DOCK5: variants seen among roughly 807,000 people sequenced by gnomAD.
DOCK5 encodes the protein dedicator of cytokinesis 5.
Under a neutral mutation model 251.8 loss-of-function variants are expected in DOCK5, and 142 were observed. The ratio of observed to expected loss-of-function variants is 0.56; its 90% CI spans 0.49 to 0.65. The LOEUF (loss-of-function observed/expected upper bound fraction) is 0.65, where lower values mean the gene tolerates loss of function less well. Among genes scored for constraint, DOCK5 ranks in the 30% least tolerant of loss-of-function variants. DOCK5 has a pLI of 0.00. For synonymous variants in DOCK5, 842 were observed against 835.5 expected, an observed-to-expected ratio of 1.01 and a Z score of -0.13; for missense variants, 2,111 against 2,312.3, an observed-to-expected ratio of 0.91 and a Z score of 1.79.
At chr8:25,213,784 A>G (rs775725992) in intron 1 of DOCK5, among the ~76,000 whole-genome samples, 8 of 152,198 alleles carry the variant, frequency 5.3e-5, no homozygotes, top group Non-Finnish European at 1.0e-4. Flanking sequence ...TGACAGTTTT[A>G]TGCTTCTTAC....
At chr8:25,299,822 A>T (rs2117164154) in intron 8 of DOCK5, among the ~76,000 whole-genome samples, 1 of 152,338 alleles carries the variant, frequency 6.6e-6, no homozygotes. Context: ...TTTTGAGAAG[A>T]TAGTTAAAAG....
intron 11 of DOCK5, among the ~76,000 whole-genome samples, chr8:25,306,739 G>A (rs986109426): frequency 6.6e-6 from 1 of 151,906 alleles, no homozygotes; most frequent in African/African-American, 2.4e-5. Context: ...TAAATATGTT[G>A]AATGTAATAC....
At chr8:25,298,863 T>G in intron 7 of DOCK5, 81 bp from the exon 8 acceptor site, 1 of 1,209,230 alleles carries the variant, frequency 8.3e-7, no homozygotes, top group Non-Finnish European at 1.1e-6. Context: ...TTTGCAGGCT[T>G]ATTTATTTAT....
chr8:25,275,659 A>G (rs533004847), intron 4 of DOCK5, among the ~76,000 whole-genome samples: 1 of 151,608 alleles, frequency 6.6e-6, no homozygotes, highest in Admixed American at 6.6e-5. Context: ...ACATGGTAAA[A>G]CCCCCATCTC....
At chr8:25,396,013 G>C (rs1801339677) in intron 45 of DOCK5, among the ~76,000 whole-genome samples, 1 of 152,096 alleles carries the variant, frequency 6.6e-6, no homozygotes, top group African/African-American at 2.4e-5. Flanking sequence ...ACTGATTGGT[G>C]GACCCCAGAA....
intron 24 of DOCK5, among the ~76,000 whole-genome samples, chr8:25,342,184 T>C (rs1293815383): frequency 6.6e-6 from 1 of 152,126 alleles, no homozygotes; most frequent in Non-Finnish European, 1.5e-5. Flanking sequence ...GACGTGGGTG[T>C]TCTTTGGCAA....
chr8:25,247,819 C>T (rs1174126650), intron 2 of DOCK5, among the ~76,000 whole-genome samples: 1 of 152,204 alleles, frequency 6.6e-6, no homozygotes, highest in Admixed American at 6.5e-5. Context: ...TTACAGCTCA[C>T]ACTACGATAT....
chr8:25,406,924 C>G (rs1260797302), intron 48 of DOCK5, among the ~76,000 whole-genome samples: 1 of 152,086 alleles, frequency 6.6e-6, no homozygotes, highest in African/African-American at 2.4e-5. Context: ...CCGTGCCTGG[C>G]TGTGTAATCT....
At chr8:25,203,441 G>T (rs1050565887) in intron 1 of DOCK5, among the ~76,000 whole-genome samples, 2 of 152,210 alleles carry the variant, frequency 1.3e-5, no homozygotes, top group African/African-American at 4.8e-5. Context: ...GGCTACAGAA[G>T]AATTCTTTTC....
At chr8:25,319,190 G>C (rs959296868) in intron 14 of DOCK5, among the ~76,000 whole-genome samples, 2 of 152,166 alleles carry the variant, frequency 1.3e-5, no homozygotes, top group African/African-American at 4.8e-5. Flanking sequence ...GACAGGAAAA[G>C]AGAAATGCTT....
intron 35 of DOCK5, 42 bp downstream of exon 35, chr8:25,372,760 G>A (rs1007215937): frequency 8.2e-6 from 13 of 1,576,044 alleles, no homozygotes; most frequent in Non-Finnish European, 1.1e-5. Flanking sequence ...GTACTGTCAG[G>A]CCGCCCCTGC....
intron 43 of DOCK5, among the ~76,000 whole-genome samples, chr8:25,392,484 C>G (rs911081688): frequency 6.6e-6 from 1 of 152,104 alleles, no homozygotes; most frequent in African/African-American, 2.4e-5. Flanking sequence ...AAATGCTAGA[C>G]TAGGAGTCCA....
At chr8:25,288,166 G>A (rs892498386) in intron 5 of DOCK5, among the ~76,000 whole-genome samples, 21 of 152,142 alleles carry the variant, frequency 1.4e-4, no homozygotes, top group Middle Eastern at 3.2e-3. Flanking sequence ...GATTACAGGC[G>A]TGAGCCACTG....
At chr8:25,196,968 G>T (rs1039985849) in intron 1 of DOCK5, among the ~76,000 whole-genome samples, 1 of 152,136 alleles carries the variant, frequency 6.6e-6, no homozygotes, top group African/African-American at 2.4e-5. Context: ...GGAGGCTGAG[G>T]CTGGAGGATT....
At chr8:25,282,004 T>G (rs1322566126) in intron 5 of DOCK5, among the ~76,000 whole-genome samples, 3 of 152,192 alleles carry the variant, frequency 2.0e-5, no homozygotes, top group Admixed American at 6.5e-5. Context: ...AAATGTCTTA[T>G]AGCCGCTGTT....
chr8:25,224,578 C>T (rs896668124), intron 1 of DOCK5, among the ~76,000 whole-genome samples: 6 of 152,286 alleles, frequency 3.9e-5, no homozygotes, highest in East Asian at 3.9e-4. Flanking sequence ...GAAGTAAGAA[C>T]GCTTCAACTA....
At position 25,351,787 on chromosome 8, in the gene DOCK5, C is replaced by T; in HGVS notation, c.2811C>T (p.Asn937=). ...TGGAACGGCTGCTGAGAAGGATCAA[C>T]CGGACAGTGATTGGGATGAACCGGC... ...LIMERLLRRI[N]RTVIGMNRQS... Residue 937 remains asparagine (N), a synonymous_variant, in exon 27 of 52, where the codon AAC becomes AAT. Coordinates refer to ENST00000276440, the MANE Select transcript of DOCK5 (RefSeq NM_024940.8). 3 of 1,613,902 alleles carry T rather than the reference C, an allele frequency of 1.9e-6. No individual in the cohort carries two copies. Among genetic ancestry groups the T allele is most frequent in the Non-Finnish European group, 1.7e-6 (2 of 1,179,856 alleles).
chr8:25,393,753 C>T lies in DOCK5; in HGVS notation c.4527+871C>T, dbSNP rs1326147013. ...TGTCTGTCCCCTGTGGCATCCTGGGCGTGTTTCTAACCTACCATGTTTACA... is the reference window on the plus strand; with the variant it reads ...TGTCTGTCCCCTGTGGCATCCTGGGTGTGTTTCTAACCTACCATGTTTACA... On this transcript the variant is annotated intron_variant, in intron 44 of 51. Coordinates refer to ENST00000276440, the MANE Select transcript of DOCK5 (RefSeq NM_024940.8). 2.6e-5 allele frequency among the ~76,000 whole-genome samples: 4 copies of T among 152,186 alleles called. No homozygotes were observed. In the East Asian group the frequency reaches 5.8e-4, roughly 22 times the overall value.
intron 51 of DOCK5, among the ~76,000 whole-genome samples, chr8:25,410,936 A>AGAGAGAGAGAGAG (rs59476898): frequency 6.4e-5 from 7 of 110,234 alleles, no homozygotes; most frequent in East Asian, 3.1e-4. Context: ...AGAGAGAGAG[A>AGAGAGAGAGAGAG]AAATGTGTGT....
Sources: allele counts gnomAD v4.1 joint callset (sites outside exome capture counted in the v4.1 genomes callset), GRCh38; gene constraint gnomAD v4.1.1; transcripts MANE v1.5; gene names NCBI Gene and HGNC (gene_info 2026-07-23, HGNC 2026-07-21).